SEC16A: variants seen among roughly 807,000 people sequenced by gnomAD.
The protein encoded by SEC16A is SEC16 homolog A, endoplasmic reticulum export factor, also known as protein transport protein Sec16A.
In SEC16A, 110 loss-of-function variants were observed where a neutral mutation model predicts 221.9. The ratio of observed to expected loss-of-function variants is 0.50; its 90% CI spans 0.42 to 0.58. The LOEUF is 0.58. SEC16A is among the 20% of genes least tolerant of loss of function. The probability of loss-of-function intolerance (pLI) is 0.00; values close to 1 mark genes in which losing one functional copy is unlikely to be tolerated. For missense variants in SEC16A, 3,165 were observed against 3,097.8 expected (o/e 1.02, Z -0.52); for synonymous variants, 1,393 against 1,257.7 (o/e 1.11, Z -2.28).
At chr9:136,463,900 G>A (rs2132441369) in intron 9 of SEC16A, among the ~76,000 whole-genome samples, 160 bp from the exon 10 acceptor site, 1 of 152,350 alleles carries the variant, frequency 6.6e-6, no homozygotes, top group African/African-American at 2.4e-5. Flanking sequence ...GCTGTTACAT[G>A]GAACATGGCC....
chr9:136,455,542 G>A (rs921235034), intron 20 of SEC16A, 59 bp downstream of exon 20: 9 of 1,462,094 alleles, frequency 6.2e-6, no homozygotes, highest in Non-Finnish European at 6.4e-6. Context: ...GCAGGCCATG[G>A]CTCAGCCCAC....
intron 19 of SEC16A, 69 bp downstream of exon 19, chr9:136,455,984 G>A: frequency 2.3e-6 from 3 of 1,317,892 alleles, no homozygotes; most frequent in East Asian, 2.3e-5. Context: ...CATACTTTCA[G>A]TGTGGAAATG....
intron 1 of SEC16A, among the ~76,000 whole-genome samples, chr9:136,480,868 C>T (rs2133121571): frequency 6.7e-6 from 1 of 149,724 alleles, no homozygotes; most frequent in Admixed American, 6.8e-5. Context: ...CCCGCCTGGG[C>T]AGAGCGAGAC....
At position 136,444,041 on chromosome 9, in the gene SEC16A, G is replaced by C. The variant is rs1259734013; in HGVS notation, c.6928-141C>G. On this transcript the variant is annotated intron_variant, in intron 30 of 31. Coordinates refer to ENST00000684901, the MANE Select transcript of SEC16A (RefSeq NM_014866.2). ...CAGAAGCAGATCCAAGACACTTCTT[G>C]CAACACTGGATTTAGTTATTTAATG... 4.0e-5 allele frequency: 23 copies of C among 568,968 alleles called. No homozygotes were observed. In the East Asian group the frequency reaches 7.1e-4, roughly 18 times the overall value. 35.2% of individuals were successfully genotyped at this position (568,968 alleles called of 1,614,324 possible).
chr9:136,468,693 G>A (rs1329885034), intron 4 of SEC16A, among the ~76,000 whole-genome samples, 181 bp from the exon 5 acceptor site: 6 of 152,196 alleles, frequency 3.9e-5, no homozygotes, highest in Non-Finnish European at 4.4e-5. Flanking sequence ...CCCACCATAC[G>A]GCTAATTCAA....
In SEC16A at chr9:136,476,055, C is replaced by T. The variant is rs765552132; in HGVS notation, c.1561G>A (p.Val521Met). 11 of 1,613,458 alleles carry T rather than the reference C, an allele frequency of 6.8e-6. No individual in the cohort carries two copies. Among genetic ancestry groups the T allele is most frequent in the African/African-American group, 2.7e-5 (2 of 74,916 alleles). Residue 521 changes from valine to methionine, a missense_variant, in exon 3 of 32, where the codon GTG becomes ATG. Physicochemically the swap from Val to Met is conservative, Grantham distance 21. Coordinates refer to ENST00000684901, the MANE Select transcript of SEC16A (RefSeq NM_014866.2). Reference protein sequence around the residue: ...ATLHTVHPDSVSSSYSSRSHG... With the variant: ...ATLHTVHPDSMSSSYSSRSHG... ...CTTCTGCTGCTATAGCTGGATGACA[C>T]GCTGTCAGGGTGCACTGTATGCAGT...
At chr9:136,481,242 T>G (rs929504889) in intron 1 of SEC16A, among the ~76,000 whole-genome samples, 1 of 149,722 alleles carries the variant, frequency 6.7e-6, no homozygotes, top group African/African-American at 2.5e-5. Flanking sequence ...TTCACGCCAT[T>G]CTCCTGCCTC....
chr9:136,446,206 A>G (rs1274124829), intron 28 of SEC16A, among the ~76,000 whole-genome samples: 1 of 151,564 alleles, frequency 6.6e-6, no homozygotes, highest in Non-Finnish European at 1.5e-5. Flanking sequence ...CCTGGGTCCA[A>G]GCGATTCTTC....
chr9:136,451,682 C>T (rs530275627), intron 22 of SEC16A, among the ~76,000 whole-genome samples: 31 of 152,226 alleles, frequency 2.0e-4, no homozygotes, highest in African/African-American at 7.2e-4. Flanking sequence ...CAAATGAGGG[C>T]GTTCGATGGA....
At chr9:136,448,385 C>G in intron 23 of SEC16A, 1 of 603,468 alleles carries the variant, frequency 1.7e-6, no homozygotes. Flanking sequence ...AGGTGGGGGG[C>G]GATCCACAGA....
chr9:136,481,119 G>A (rs973669806), intron 1 of SEC16A, among the ~76,000 whole-genome samples: 2 of 146,916 alleles, frequency 1.4e-5, no homozygotes, highest in African/African-American at 2.5e-5. Flanking sequence ...CCACTACAGG[G>A]AATTTTATTC....
chr9:136,448,474 C>T, intron 23 of SEC16A: 1 of 697,666 alleles, frequency 1.4e-6, no homozygotes, highest in Non-Finnish European at 2.6e-6. Context: ...CACAGAGACA[C>T]CAGGAGGATG....
At chr9:136,472,793 G>A (rs572402259) in intron 3 of SEC16A, among the ~76,000 whole-genome samples, 9 of 152,360 alleles carry the variant, frequency 5.9e-5, no homozygotes, top group African/African-American at 1.4e-4. Context: ...CGACGCTGCC[G>A]CTGCCTGGCA....
rs1001919250 is a variant in SEC16A, at chr9:136,452,738, C to T, written c.6159+690G>A. Among the ~76,000 whole-genome samples the T allele has an allele frequency of 9.3e-5, 13 of 139,440 alleles. No homozygotes were observed. The East Asian group carries it at 2.7e-3, about 29-fold the overall frequency. The allele number at this position is 139,440 out of a possible 152,430, so 91.5% of individuals were successfully genotyped here. On this transcript the variant is annotated intron_variant, in intron 22 of 31. Coordinates refer to ENST00000684901, the MANE Select transcript of SEC16A (RefSeq NM_014866.2). ...CCAAGATGGCGCCACTGCATTCCAG[C>T]CTAGGCGACAGAGCGAAACTATGTC...
chr9:136,484,332 C>A, upstream of SEC16A: 1 of 1,135,488 alleles, frequency 8.8e-7, no homozygotes, highest in Non-Finnish European at 1.1e-6. Flanking sequence ...ACGGCCAGGC[C>A]AGGCAGCATC....
chr9:136,474,492 G>C lies in SEC16A; in HGVS notation c.3124C>G (p.Gln1042Glu), dbSNP rs1841352747. ...PGAPNLDRFY[Q>E]QVTKDAQGQP... ...CCCTGGGCATCTTTCGTGACCTGCT[G>C]ATAAAAACGGTCAAGGTTAGGCGCC... The change falls in exon 3 of 32, where the codon CAG becomes GAG. Residue 1042 changes from glutamine to glutamate, a missense_variant. Gln to Glu is a conservative substitution (Grantham distance 29). Around this residue, in one of 3 missense-constraint regions of SEC16A, gnomAD observed 2,030 missense variants for 1,923.1 expected, o/e 1.06. Coordinates refer to ENST00000684901, the MANE Select transcript of SEC16A (RefSeq NM_014866.2). 6.2e-7 allele frequency: 1 copy of C among 1,613,010 alleles called. No individual in the cohort carries two copies. Among genetic ancestry groups the C allele is most frequent in the Non-Finnish European group, 8.5e-7 (1 of 1,179,888 alleles).
chr9:136,467,144 T>A (rs188544930), intron 5 of SEC16A, 61 bp from the exon 6 acceptor site: 2 of 1,596,182 alleles, frequency 1.3e-6, no homozygotes, highest in African/African-American at 2.7e-5. Context: ...GCCTCAGATA[T>A]CACTAAAGAA....
At chr9:136,479,869 G>A (rs971749523) in intron 1 of SEC16A, among the ~76,000 whole-genome samples, 1 of 152,004 alleles carries the variant, frequency 6.6e-6, no homozygotes, top group African/African-American at 2.4e-5. Context: ...GGTCGTGGTG[G>A]TGCGTGCCTG....
At chr9:136,460,158 G>A in intron 13 of SEC16A, 35 bp from the exon 14 acceptor site, 2 of 1,548,284 alleles carry the variant, frequency 1.3e-6, no homozygotes, top group Non-Finnish European at 1.8e-6. Flanking sequence ...ACCCCATGCT[G>A]GCTCAGCTAA....
Sources: gnomAD v4.1 joint callset for allele counts (sites outside exome capture counted in the v4.1 genomes callset) on GRCh38, gnomAD v4.1.1 for gene constraint, gnomAD v4.1.1 regional missense constraint, MANE v1.5 for transcripts, NCBI Gene and HGNC (gene_info 2026-07-23, HGNC 2026-07-21) for gene names.